The following TRIM50 variants were observed in gnomAD, a reference collection of about 807,000 sequenced individuals.
TRIM50 encodes the protein E3 ubiquitin-protein ligase TRIM50.
Under a neutral mutation model 44.9 loss-of-function variants are expected in TRIM50, and 34 were observed. The ratio of observed to expected loss-of-function variants is 0.76; its 90% CI spans 0.58 to 1.01. TRIM50 has a LOEUF of 1.01. Ranked by LOEUF, TRIM50 falls within the 50% of genes least tolerant of loss-of-function variation. The pLI is 0.00. For missense variants in TRIM50, 633 were observed against 663.7 expected, an observed-to-expected ratio of 0.95 and a Z score of 0.51; for synonymous variants, 307 against 291.1, an observed-to-expected ratio of 1.05 and a Z score of -0.56.
intron 5 of TRIM50, among the ~76,000 whole-genome samples, chr7:73,318,297 T>G (rs1332095902): frequency 6.6e-6 from 1 of 152,056 alleles, no homozygotes; most frequent in African/African-American, 2.4e-5. Flanking sequence ...CCCAACTAAT[T>G]TTTTTATTTT....
Position 73,313,036 on chromosome 7 carries a change from A to C in TRIM50, c.1349T>G (p.Leu450Arg), listed in dbSNP as rs374098490. The C allele has an allele frequency of 2.5e-6, 4 of 1,570,364 alleles. No individual in the cohort carries two copies. Among genetic ancestry groups the C allele is most frequent in the African/African-American group, 1.4e-5 (1 of 74,022 alleles). The change falls in exon 7 of 7, where the codon CTC becomes CGC. Residue 450 changes from leucine to arginine, a missense_variant. Coordinates refer to ENST00000333149, the MANE Select transcript of TRIM50 (RefSeq NM_178125.3). This position sits in a 1 kb window ranked among gnomAD's most constrained non-coding sequence, Gnocchi z 4.9. ...YTFQADFQGK[L>R]YPILDTCWHE... ...CCAGCAGGTGTCCAGGATGGGGTAG[A>C]GCTTGCCCTGGAAGTCGGCCTGGAA...
At position 73,316,724 on chromosome 7, in the gene TRIM50, G is replaced by T. The variant is rs182416069; in HGVS notation, c.750-35C>A. ...ACAGTTCACAGTACAAGAGAGTGAG[G>T]TATCACGTGGCCCACCCCACCCCTC... On this transcript the variant is annotated intron_variant, in intron 5 of 6. Coordinates refer to ENST00000333149, the MANE Select transcript of TRIM50 (RefSeq NM_178125.3). The T allele has an allele frequency of 1.9e-6, 3 of 1,604,338 alleles. No individual in the cohort carries two copies. In the South Asian group the frequency reaches 3.3e-5, roughly 18 times the overall value.
rs782163034 is a variant in TRIM50 at position 73,318,670 on chromosome 7, C to T, written c.749+17G>A. ...GCAGCCACCAGACCCTGGCTGAGCTCTCTCCAAGGTTATTACCTGGAGGCC... is the reference window on the plus strand; with the variant it reads ...GCAGCCACCAGACCCTGGCTGAGCTTTCTCCAAGGTTATTACCTGGAGGCC... On this transcript the variant is annotated intron_variant, in intron 5 of 6. Transcript: ENST00000333149. 6 of 1,613,272 alleles carry T rather than the reference C, an allele frequency of 3.7e-6. No homozygotes were observed. The highest frequency in any genetic ancestry group is 1.1e-5 in the South Asian group (1 of 91,036).
rs1177711320 is a variant in TRIM50, at chr7:73,324,571, T to A, written c.217A>T (p.Arg73Trp). ...GGGAGCCTCAGGGCTTCGATCACCC[T>A]GGCCAGGGAGACGTTGGGCAGGGAG... The part of the protein sequence containing the change: ...SSSLPNVSLA[R>W]VIEALRLPGD... Residue 73 changes from arginine (R) to tryptophan (W), a missense_variant, in exon 2 of 7, where the codon AGG becomes TGG. Physicochemically the swap from Arg to Trp is moderately radical, Grantham distance 101. Transcript: ENST00000333149. 6.8e-6 allele frequency: 11 copies of A among 1,614,000 alleles called. 1 individual carries two copies. In the Middle Eastern group the frequency reaches 4.9e-4, roughly 73 times the overall value.
In TRIM50 at chr7:73,313,609, G is replaced by T. The variant is rs1804288959; in HGVS notation, c.875-99C>A. 7 of 1,044,728 alleles carry T rather than the reference G, an allele frequency of 6.7e-6. No individual in the cohort carries two copies. Among genetic ancestry groups the T allele is most frequent in the Non-Finnish European group, 8.1e-6 (6 of 742,824 alleles). 64.7% of individuals were successfully genotyped at this position (1,044,728 alleles called of 1,614,324 possible). On this transcript the variant is annotated intron_variant, in intron 6 of 6. Coordinates refer to ENST00000333149, the MANE Select transcript of TRIM50 (RefSeq NM_178125.3). This position sits in a 1 kb window ranked among gnomAD's most constrained non-coding sequence, Gnocchi z 4.9. The stretch of plus-strand genomic sequence containing the variant: ...GGCCCTGAACTCCCCAAGGAGAGGG[G>T]CTGTGTCTTCCTCATCTCTCTAGCC...
At position 73,313,348 on chromosome 7, in the gene TRIM50, C is replaced by G; in HGVS notation, c.1037G>C (p.Cys346Ser). 1 of 1,602,396 alleles carries G rather than the reference C, an allele frequency of 6.2e-7. No homozygotes were observed. The highest frequency in any genetic ancestry group is 8.5e-7 in the Non-Finnish European group (1 of 1,175,574). ...TCVLASRGFSCGRHYWEVVVG... is the reference protein window; with the variant it reads ...TCVLASRGFSSGRHYWEVVVG... ...CACCACCTCCCAGTAGTGGCGGCCGCAGGAGAAGCCGCGGCTGGCCAGGAC... is the reference window on the plus strand; with the variant it reads ...CACCACCTCCCAGTAGTGGCGGCCGGAGGAGAAGCCGCGGCTGGCCAGGAC... The change falls in exon 7 of 7, where the codon TGC becomes TCC. Residue 346 changes from cysteine (C) to serine (S), a missense_variant. By Grantham distance (112) the Cys-to-Ser change is moderately radical. Coordinates refer to ENST00000333149, the MANE Select transcript of TRIM50 (RefSeq NM_178125.3). The surrounding 1 kb of genome is among the most constrained non-coding windows in gnomAD (Gnocchi z 4.9).
In TRIM50 at chr7:73,313,143, G is replaced by T. The variant is rs1554543314; in HGVS notation, c.1242C>A (p.Ile414=). The stretch of plus-strand genomic sequence containing the variant: ...CCTGCTCATAGTGCAGGTAGAGCCC[G>T]ATGCGGTGGGGGTGGCCGGCCACGG... ...PLPVAGHPHR[I]GLYLHYEQGE... The change falls in exon 7 of 7, where the codon ATC becomes ATA. Residue 414 remains isoleucine, a synonymous_variant. Coordinates refer to ENST00000333149, the MANE Select transcript of TRIM50 (RefSeq NM_178125.3). This position sits in a 1 kb window ranked among gnomAD's most constrained non-coding sequence, Gnocchi z 4.9. 1.3e-6 allele frequency: 2 copies of T among 1,589,992 alleles called. No homozygotes were observed. Among genetic ancestry groups the T allele is most frequent in the East Asian group, 2.3e-5 (1 of 43,848 alleles).
chr7:73,327,545 G>C (rs1161548531), intron 1 of TRIM50, among the ~76,000 whole-genome samples: 1 of 152,224 alleles, frequency 6.6e-6, no homozygotes, highest in Non-Finnish European at 1.5e-5. Context: ...GAACACAATG[G>C]AAGAGAGAAA....
rs140574537 is a variant in TRIM50 at position 73,328,003 on chromosome 7, C to A, written c.-122G>T. On this transcript the variant is annotated 5_prime_UTR_variant, in exon 1 of 7. Transcript: ENST00000333149. ...CAATTACGTGCCCCACCTAACCCCC[C>A]ACGTCCGTGCCTCATCATGACCCGC... 1.8e-5 allele frequency: 11 copies of A among 609,848 alleles called. No homozygotes were observed. The highest frequency in any genetic ancestry group is 5.6e-5 in the Admixed American group (2 of 35,510). 37.8% of individuals were successfully genotyped at this position (609,848 alleles called of 1,614,324 possible). A position where few individuals can be genotyped will look rare whatever the true frequency, so the allele number is the denominator to read the frequency against.
At chr7:73,316,930 T>C (rs1420761236) in intron 5 of TRIM50, 8 of 431,834 alleles carry the variant, frequency 1.9e-5, no homozygotes, top group East Asian at 8.3e-5. Flanking sequence ...GCAGTGTTGG[T>C]TGGAAAATGG....
At chr7:73,324,023 G>A (rs1400027222) in intron 2 of TRIM50, among the ~76,000 whole-genome samples, 2 of 151,952 alleles carry the variant, frequency 1.3e-5, no homozygotes, top group Non-Finnish European at 2.9e-5. Context: ...CTGGGCAACA[G>A]AGTGAGACGC....
Position 73,312,863 on chromosome 7 carries a change from G to A in TRIM50, c.*58C>T, listed in dbSNP as rs1369479681. 5.1e-6 allele frequency: 7 copies of A among 1,378,808 alleles called. No individual in the cohort carries two copies. The Admixed American group carries it at 1.1e-4, about 21-fold the overall frequency. The allele number at this position is 1,378,808 out of a possible 1,614,324, so 85.4% of individuals were successfully genotyped here. Reference sequence around the variant, plus strand: ...CTCAGGCGGGACCCAGCAGAAGCCCGCGAGTCCCCGGTGCCCCGCCGGGAT... The same window carrying A: ...CTCAGGCGGGACCCAGCAGAAGCCCACGAGTCCCCGGTGCCCCGCCGGGAT... On this transcript the variant is annotated 3_prime_UTR_variant, in exon 7 of 7. Coordinates refer to ENST00000333149, the MANE Select transcript of TRIM50 (RefSeq NM_178125.3).
Position 73,318,953 on chromosome 7 carries a change from C to A in TRIM50, c.595G>T (p.Gly199Cys). Residue 199 changes from glycine to cysteine, a missense_variant, in exon 4 of 7, where the codon GGT (glycine) becomes TGT (cysteine). Gly to Cys is a radical substitution (Grantham distance 159). Transcript: ENST00000333149. ...EKARCLEGIG[G>C]HTRGLVASLD... ...GAGGCCACCAGGCCACGGGTGTGACCCCCTATCCCCTCCAGGCAGCGGGCC... is the reference window on the plus strand; with the variant it reads ...GAGGCCACCAGGCCACGGGTGTGACACCCTATCCCCTCCAGGCAGCGGGCC... The A allele has an allele frequency of 6.2e-7, 1 of 1,614,030 alleles. No homozygotes were observed. The highest frequency in any genetic ancestry group is 8.5e-7 in the Non-Finnish European group (1 of 1,179,870).
intron 6 of TRIM50, among the ~76,000 whole-genome samples, chr7:73,316,091 A>G (rs1554544024): frequency 6.6e-6 from 1 of 151,950 alleles, no homozygotes; most frequent in African/African-American, 2.4e-5. Context: ...ATGTTGGCCA[A>G]GCTGGACTTG....
chr7:73,325,276 G>A (rs1252084069), intron 1 of TRIM50, among the ~76,000 whole-genome samples: 4 of 152,236 alleles, frequency 2.6e-5, no homozygotes, highest in East Asian at 3.9e-4. Flanking sequence ...CACCTTCAAA[G>A]GATCTTCTTC....
chr7:73,314,902 T>C (rs1446842299), intron 6 of TRIM50: 10 of 213,336 alleles, frequency 4.7e-5, no homozygotes, highest in Admixed American at 1.2e-4. Flanking sequence ...GCAACATGGG[T>C]CCCATCAAGC....
intron 1 of TRIM50, 39 bp downstream of exon 1, chr7:73,327,861 T>C: frequency 2.9e-6 from 1 of 348,280 alleles, no homozygotes; most frequent in Non-Finnish European, 5.4e-6. Context: ...GCGTGCTCGT[T>C]AGGTGCCCCA....
intron 5 of TRIM50, among the ~76,000 whole-genome samples, chr7:73,317,214 C>T (rs1234615168): frequency 2.6e-5 from 4 of 151,930 alleles, no homozygotes; most frequent in African/African-American, 9.7e-5. Flanking sequence ...CCACCATGCC[C>T]AGCTAATTTT....
At position 73,324,436 on chromosome 7, in the gene TRIM50, G is replaced by A. The variant is rs782461955; in HGVS notation, c.352C>T (p.Gln118Ter). The change falls in exon 2 of 7, where the codon CAA becomes TAA. Residue 118 changes from glutamine to a stop codon, truncating the protein, a stop_gained. Coordinates refer to ENST00000333149, the MANE Select transcript of TRIM50 (RefSeq NM_178125.3). LOFTEE classifies it high-confidence loss of function. ...GAGACGGGCGTGACCGGGTGGTGTT[G>A]GTGGGAGCCCAGCAGACCGCAGAGG... Reference protein sequence around the residue: ...CGLCGLLGSHQHHPVTPVSTV... With the variant: ...CGLCGLLGSH 21 of 1,613,492 alleles carry A rather than the reference G, an allele frequency of 1.3e-5. No homozygotes were observed. Among genetic ancestry groups the A allele is most frequent in the Non-Finnish European group, 1.8e-5 (21 of 1,180,028 alleles).
Sources: gnomAD v4.1 joint callset for allele counts (sites outside exome capture counted in the v4.1 genomes callset) on GRCh38, gnomAD v4.1.1 for gene constraint, Gnocchi (gnomAD v3.1) non-coding constraint, MANE v1.5 for transcripts, NCBI Gene and HGNC (gene_info 2026-07-23, HGNC 2026-07-21) for gene names.